The following MS4A7 variants were observed in gnomAD, a reference collection of about 807,000 sequenced individuals.
MS4A7 encodes membrane-spanning 4-domains subfamily A member 7.
Under a neutral mutation model 23.5 loss-of-function variants are expected in MS4A7, and 21 were observed. The ratio of observed to expected loss-of-function variants is 0.89; its 90% CI spans 0.63 to 1.29. The LOEUF (loss-of-function observed/expected upper bound fraction) is 1.29, where lower values mean the gene tolerates loss of function less well. Ranked by LOEUF, MS4A7 falls within the 50% of genes most tolerant of loss-of-function variation. MS4A7 has a pLI of 0.00. For missense variants in MS4A7, 263 were observed against 274.2 expected, an observed-to-expected ratio of 0.96 and a Z score of 0.29; for synonymous variants, 111 against 107.4, an observed-to-expected ratio of 1.03 and a Z score of -0.21.
intron 1 of MS4A7, among the ~76,000 whole-genome samples, chr11:60,380,737 T>C (rs2085419778): frequency 6.6e-6 from 1 of 152,172 alleles, no homozygotes; most frequent in South Asian, 2.1e-4. Context: ...TGAAAGCAAG[T>C]TGGGAAAAAG....
chr11:60,387,378 C>T (rs372912556), intron 4 of MS4A7, among the ~76,000 whole-genome samples: 5 of 152,118 alleles, frequency 3.3e-5, no homozygotes, highest in Middle Eastern at 3.2e-3. Flanking sequence ...TGAAAGAAGT[C>T]CATGATATAT....
Position 60,395,034 on chromosome 11 carries a change from G to T in MS4A7, c.*1173G>T. On this transcript the variant is annotated 3_prime_UTR_variant, in exon 7 of 7. Coordinates refer to ENST00000300184, the MANE Select transcript of MS4A7 (RefSeq NM_021201.5). Reference sequence around the variant, plus strand: ...TTCTGCTTCTAGCTTGGAGCTAAATGCTGCTCATGCTGAAAAGAATAATGT... The same window carrying T: ...TTCTGCTTCTAGCTTGGAGCTAAATTCTGCTCATGCTGAAAAGAATAATGT... The T allele has an allele frequency of 1.7e-6, 1 of 594,448 alleles. No homozygotes were observed. Among genetic ancestry groups the T allele is most frequent in the African/African-American group, 1.9e-5 (1 of 53,968 alleles). 36.8% of individuals were successfully genotyped at this position (594,448 alleles called of 1,614,324 possible).
chr11:60,384,297 G>C, intron 2 of MS4A7, among the ~76,000 whole-genome samples: 1 of 152,156 alleles, frequency 6.6e-6, no homozygotes, highest in Admixed American at 6.5e-5. Context: ...TCCCTACATA[G>C]TTTGTACCAT....
intron 2 of MS4A7, 46 bp from the exon 3 acceptor site, chr11:60,385,042 T>A: frequency 6.4e-7 from 1 of 1,566,770 alleles, no homozygotes; most frequent in Non-Finnish European, 8.8e-7. Context: ...TAATCACTTT[T>A]ATCTGTTTGA....
At chr11:60,385,277 G>T (rs1238149914) in intron 3 of MS4A7, 55 bp downstream of exon 3, 2 of 1,605,776 alleles carry the variant, frequency 1.2e-6, no homozygotes, top group South Asian at 2.2e-5. Context: ...CTAACCAGGT[G>T]CATAGTCGTG....
At chr11:60,382,074 G>A in intron 1 of MS4A7, among the ~76,000 whole-genome samples, 1 of 152,324 alleles carries the variant, frequency 6.6e-6, no homozygotes, top group East Asian at 1.9e-4. Flanking sequence ...ACTAAACTCT[G>A]GCCTTCAGTA....
intron 5 of MS4A7, among the ~76,000 whole-genome samples, chr11:60,390,345 A>G (rs969236693): frequency 1.3e-5 from 2 of 152,212 alleles, no homozygotes; most frequent in Non-Finnish European, 2.9e-5. Flanking sequence ...ATATAGTATC[A>G]TGGTGTTAAA....
In MS4A7 at chr11:60,394,046, C is replaced by T. The variant is rs561945077; in HGVS notation, c.*185C>T. 1.1e-5 allele frequency: 4 copies of T among 352,324 alleles called. No homozygotes were observed. The highest frequency in any genetic ancestry group is 1.4e-5 in the Non-Finnish European group (3 of 215,818). The allele number at this position is 352,324 out of a possible 1,614,324, so 21.8% of individuals were successfully genotyped here. On this transcript the variant is annotated 3_prime_UTR_variant, in exon 7 of 7. Coordinates refer to ENST00000300184, the MANE Select transcript of MS4A7 (RefSeq NM_021201.5). ...CTCTTGAAAATAATTTCCTCAAAGCCCAAGTCAATAAATGTTATCAGCCAG... is the reference window on the plus strand; with the variant it reads ...CTCTTGAAAATAATTTCCTCAAAGCTCAAGTCAATAAATGTTATCAGCCAG...
chr11:60,390,067 G>A (rs1483558499), intron 5 of MS4A7: 1 of 188,016 alleles, frequency 5.3e-6, no homozygotes. Context: ...GACTAGCAGA[G>A]GCTGTACGGT....
intron 2 of MS4A7, 64 bp from the exon 3 acceptor site, chr11:60,385,024 C>G: frequency 7.0e-7 from 1 of 1,431,220 alleles, no homozygotes; most frequent in Non-Finnish European, 9.8e-7. Context: ...TTACCGTGTG[C>G]ATTCAAATAA....
At chr11:60,386,695 C>T (rs769762824) in intron 3 of MS4A7, 22 bp from the exon 4 acceptor site, 1 of 1,601,112 alleles carries the variant, frequency 6.2e-7, no homozygotes, top group South Asian at 1.1e-5. Context: ...CTGAACTGAT[C>T]ATTTCTCTCT....
At chr11:60,381,517 C>T (rs1037657953) in intron 1 of MS4A7, among the ~76,000 whole-genome samples, 3 of 152,150 alleles carry the variant, frequency 2.0e-5, no homozygotes, top group Non-Finnish European at 2.9e-5. Context: ...AAGACACTCA[C>T]GTGTGTCATT....
At chr11:60,384,961 C>G in intron 2 of MS4A7, 127 bp from the exon 3 acceptor site, 3 of 847,978 alleles carry the variant, frequency 3.5e-6, no homozygotes, top group Non-Finnish European at 5.2e-6. Context: ...CTCCTTGTAA[C>G]ATTTTTCCTC....
At chr11:60,387,619 C>G (rs1035877396) in intron 4 of MS4A7, among the ~76,000 whole-genome samples, 1 of 152,102 alleles carries the variant, frequency 6.6e-6, no homozygotes, top group African/African-American at 2.4e-5. Flanking sequence ...AGGGGGATGT[C>G]TGCAATGTCA....
Position 60,385,138 on chromosome 11 carries a change from G to T in MS4A7, c.198G>T (p.Leu66Phe). The T allele has an allele frequency of 6.2e-7, 1 of 1,614,056 alleles. No homozygotes were observed. The highest frequency in any genetic ancestry group is 8.5e-7 in the Non-Finnish European group (1 of 1,179,942). Reference protein sequence around the residue: ...CLLISSLGAILVFAPYPSHFN... With the variant: ...CLLISSLGAIFVFAPYPSHFN... ...TGATTTCAAGTCTGGGGGCCATCTT[G>T]GTTTTTGCTCCCTACCCCTCCCACT... Residue 66 changes from leucine (L) to phenylalanine (F), a missense_variant, in exon 3 of 7, where the codon TTG (leucine) becomes TTT (phenylalanine). Coordinates refer to ENST00000300184, the MANE Select transcript of MS4A7 (RefSeq NM_021201.5).
intron 1 of MS4A7, among the ~76,000 whole-genome samples, chr11:60,380,027 C>T (rs187199718): frequency 2.6e-5 from 4 of 152,216 alleles, no homozygotes; most frequent in African/African-American, 9.6e-5. Flanking sequence ...GAATTTGACT[C>T]TTCTAGGTGC....
In MS4A7 at chr11:60,389,552, A is replaced by C. The variant is rs1456425563; in HGVS notation, c.502A>C (p.Ile168Leu). 11 of 1,613,938 alleles carry C rather than the reference A, an allele frequency of 6.8e-6. No homozygotes were observed. The Admixed American group carries it at 1.8e-4, about 27-fold the overall frequency. Reference protein sequence around the residue: ...SLPYSEYYYPIYEIKDCLLTS... With the variant: ...SLPYSEYYYPLYEIKDCLLTS... ...GCCTTATTCGGAGTACTATTATCCAATATATGAAATCAAAGATTGTCTCCT... is the reference window on the plus strand; with the variant it reads ...GCCTTATTCGGAGTACTATTATCCACTATATGAAATCAAAGATTGTCTCCT... The change falls in exon 5 of 7, where the codon ATA becomes CTA. Residue 168 changes from isoleucine (I) to leucine (L), a missense_variant. By Grantham distance (5) the Ile-to-Leu change is conservative (BLOSUM62 2). Coordinates refer to ENST00000300184, the MANE Select transcript of MS4A7 (RefSeq NM_021201.5).
chr11:60,393,753 G>A, intron 6 of MS4A7, 34 bp from the exon 7 acceptor site: 1 of 1,546,322 alleles, frequency 6.5e-7, no homozygotes, highest in African/African-American at 1.4e-5. Flanking sequence ...CGAAATCAAA[G>A]TTTAAAAATT....
At position 60,389,502 on chromosome 11, in the gene MS4A7, C is replaced by G; in HGVS notation, c.452C>G (p.Ser151Ter). The G allele has an allele frequency of 3.1e-6, 5 of 1,614,064 alleles. No homozygotes were observed. The highest frequency in any genetic ancestry group is 4.2e-6 in the Non-Finnish European group (5 of 1,179,922). The change falls in exon 5 of 7, where the codon TCA (serine) becomes TGA (stop). Residue 151 changes from serine (S) to a stop codon, truncating the protein, a stop_gained. Coordinates refer to ENST00000300184, the MANE Select transcript of MS4A7 (RefSeq NM_021201.5). LOFTEE classifies it high-confidence loss of function. ...ALRTASQHCG[S>*]EMDYLSSLPY... ...AGGACTGCCTCTCAACATTGTGGCTCAGAAATGGATTATCTATCCTCATTG... is the reference window on the plus strand; with the variant it reads ...AGGACTGCCTCTCAACATTGTGGCTGAGAAATGGATTATCTATCCTCATTG...
Sources: allele counts gnomAD v4.1 joint callset (sites outside exome capture counted in the v4.1 genomes callset), GRCh38; gene constraint gnomAD v4.1.1; transcripts MANE v1.5; gene names NCBI Gene and HGNC (gene_info 2026-07-23, HGNC 2026-07-21).